The following ST6GALNAC3 variants were observed in gnomAD, a reference collection of about 807,000 sequenced individuals.
ST6GALNAC3 encodes ST6 N-acetylgalactosaminide alpha-2,6-sialyltransferase 3, also known as alpha-N-acetylgalactosaminide alpha-2,6-sialyltransferase 3.
Under a neutral mutation model 32.7 loss-of-function variants are expected in ST6GALNAC3, and 25 were observed. That is an observed-to-expected ratio of 0.76 (90% confidence interval 0.56 to 1.07). The LOEUF is 1.07. ST6GALNAC3 is among the 50% of genes least tolerant of loss of function. ST6GALNAC3 has a pLI of 0.00. For synonymous variants in ST6GALNAC3, 129 were observed against 133.1 expected, an observed-to-expected ratio of 0.97 and a Z score of 0.21; for missense variants, 355 against 382.4, an observed-to-expected ratio of 0.93 and a Z score of 0.60.
intron 3 of ST6GALNAC3, among the ~76,000 whole-genome samples, chr1:76,552,737 T>G (rs1664709557): frequency 6.6e-6 from 1 of 152,224 alleles, no homozygotes; most frequent in Admixed American, 6.5e-5. Flanking sequence ...TTTTTATTTT[T>G]CTTTTCTTAA....
chr1:76,377,095 C>T (rs1024861810), intron 2 of ST6GALNAC3, among the ~76,000 whole-genome samples: 1 of 152,098 alleles, frequency 6.6e-6, no homozygotes, highest in Non-Finnish European at 1.5e-5. Flanking sequence ...ATAAAACTCA[C>T]CTCTGTACAG....
chr1:76,445,927 C>T (rs544503036), intron 3 of ST6GALNAC3, among the ~76,000 whole-genome samples: 7 of 152,230 alleles, frequency 4.6e-5, no homozygotes, highest in East Asian at 3.9e-4. Context: ...ACTTCTGTGC[C>T]GTTTCAATTT....
chr1:76,467,723 C>T (rs1460761229), intron 3 of ST6GALNAC3, among the ~76,000 whole-genome samples: 1 of 151,592 alleles, frequency 6.6e-6, no homozygotes, highest in Non-Finnish European at 1.5e-5. Context: ...TTTTTTTCTC[C>T]TATACTGTGC....
At chr1:76,608,375 A>T (rs1647698333) in intron 3 of ST6GALNAC3, among the ~76,000 whole-genome samples, 2 of 152,340 alleles carry the variant, frequency 1.3e-5, no homozygotes, top group Middle Eastern at 3.4e-3. Context: ...AACAACACTC[A>T]TGAAATTTGC....
intron 3 of ST6GALNAC3, among the ~76,000 whole-genome samples, chr1:76,610,540 A>T (rs1051249750): frequency 1.3e-5 from 2 of 152,156 alleles, no homozygotes; most frequent in African/African-American, 4.8e-5. Flanking sequence ...GGTGACAAGT[A>T]TGAAGGCCTG....
At chr1:76,456,991 C>G (rs1296806493) in intron 3 of ST6GALNAC3, among the ~76,000 whole-genome samples, 2 of 151,874 alleles carry the variant, frequency 1.3e-5, no homozygotes, top group Non-Finnish European at 2.9e-5. Flanking sequence ...AGCTGATAAG[C>G]AACTTCAGCA....
At chr1:76,074,918 T>TTGG (rs773993596) in intron 1 of ST6GALNAC3, 34 bp downstream of exon 1, 7 of 1,579,070 alleles carry the variant, frequency 4.4e-6, no homozygotes, top group African/African-American at 1.3e-5. Context: ...GGACGCGTGG[T>TTGG]TGGCCAGCCC....
At chr1:76,249,819 T>C (rs1657508317) in intron 1 of ST6GALNAC3, among the ~76,000 whole-genome samples, 1 of 152,170 alleles carries the variant, frequency 6.6e-6, no homozygotes, top group African/African-American at 2.4e-5. Flanking sequence ...ATGAAGTGTG[T>C]CTTGTGGTTT....
intron 2 of ST6GALNAC3, among the ~76,000 whole-genome samples, chr1:76,337,133 T>A (rs1048578359): frequency 2.6e-5 from 4 of 152,290 alleles, no homozygotes; most frequent in Non-Finnish European, 5.9e-5. Flanking sequence ...CTCCAGACTC[T>A]CTCATTTCTC....
chr1:76,500,241 T>G (rs908229587), intron 3 of ST6GALNAC3, among the ~76,000 whole-genome samples: 3 of 152,224 alleles, frequency 2.0e-5, no homozygotes, highest in African/African-American at 7.2e-5. Context: ...ACATACATTT[T>G]TGACATTAGT....
intron 3 of ST6GALNAC3, among the ~76,000 whole-genome samples, chr1:76,541,356 T>C (rs1663979322): frequency 1.3e-5 from 2 of 152,060 alleles, no homozygotes; most frequent in Non-Finnish European, 1.5e-5. Flanking sequence ...GAGCCTTCAG[T>C]TATTCATGTT....
At chr1:76,518,445 T>G (rs1267254960) in intron 3 of ST6GALNAC3, among the ~76,000 whole-genome samples, 2 of 152,228 alleles carry the variant, frequency 1.3e-5, no homozygotes, top group Non-Finnish European at 1.5e-5. Flanking sequence ...ATAACCTGCT[T>G]GTTTATTTTT....
intron 1 of ST6GALNAC3, among the ~76,000 whole-genome samples, chr1:76,297,874 A>G (rs1458183233): frequency 6.6e-6 from 1 of 152,076 alleles, no homozygotes; most frequent in Non-Finnish European, 1.5e-5. Context: ...ATTCCTCAAG[A>G]ATCAAGAGAC....
In ST6GALNAC3 at chr1:76,630,444, C is replaced by A; in HGVS notation, c.*1638C>A. The A allele has an allele frequency of 1.0e-6, 1 of 985,116 alleles. No individual in the cohort carries two copies. The highest frequency in any genetic ancestry group is 1.2e-6 in the Non-Finnish European group (1 of 829,798). The allele number at this position is 985,116 out of a possible 1,614,324, so 61.0% of individuals were successfully genotyped here. On this transcript the variant is annotated 3_prime_UTR_variant, in exon 5 of 5. Coordinates refer to ENST00000328299, the MANE Select transcript of ST6GALNAC3 (RefSeq NM_152996.4). The stretch of plus-strand genomic sequence containing the variant: ...CTAGGATTGAGACAATTCTATTTTT[C>A]ATATACTCGTTGCTCATTAAATAGT...
intron 2 of ST6GALNAC3, among the ~76,000 whole-genome samples, chr1:76,333,952 C>T (rs1288632904): frequency 6.6e-6 from 1 of 152,098 alleles, no homozygotes; most frequent in East Asian, 1.9e-4. Flanking sequence ...TTTCCAAGAT[C>T]ATATTGCTCT....
At chr1:76,237,883 C>T (rs1366046143) in intron 1 of ST6GALNAC3, among the ~76,000 whole-genome samples, 1 of 152,202 alleles carries the variant, frequency 6.6e-6, no homozygotes, top group African/African-American at 2.4e-5. Context: ...TCAAACTCTC[C>T]ACCTCACTTG....
At position 76,369,258 on chromosome 1, in the gene ST6GALNAC3, G is replaced by C. The variant is rs190990010; in HGVS notation, c.214-42750G>C. Among the ~76,000 whole-genome samples the C allele has an allele frequency of 5.3e-5, 8 of 152,174 alleles. No individual in the cohort carries two copies. The East Asian group carries it at 1.5e-3, about 29-fold the overall frequency. On this transcript the variant is annotated intron_variant, in intron 2 of 4. Transcript: ENST00000328299. ...TCTCTTAGGCTCACACTTCAAGGAG[G>C]CTGCTCATTAATTTTTCAACATGCT...
intron 1 of ST6GALNAC3, among the ~76,000 whole-genome samples, chr1:76,213,532 G>T (rs563389196): frequency 5.9e-5 from 9 of 152,170 alleles, no homozygotes; most frequent in African/African-American, 2.2e-4. Context: ...TATTTGACCT[G>T]AAAGCAACAA....
At chr1:76,483,094 T>C (rs1659845732) in intron 3 of ST6GALNAC3, among the ~76,000 whole-genome samples, 1 of 152,162 alleles carries the variant, frequency 6.6e-6, no homozygotes, top group Non-Finnish European at 1.5e-5. Flanking sequence ...ATGGTGTATA[T>C]GTGCCACATT....
Sources: allele counts gnomAD v4.1 joint callset (sites outside exome capture counted in the v4.1 genomes callset), GRCh38; gene constraint gnomAD v4.1.1; transcripts MANE v1.5; gene names NCBI Gene and HGNC (gene_info 2026-07-23, HGNC 2026-07-21).